The following PKHD1 variants were observed in gnomAD, a reference collection of about 807,000 sequenced individuals.
PKHD1 encodes the protein PKHD1 ciliary IPT domain containing fibrocystin/polyductin.
PKHD1 carries 291 observed loss-of-function variants against 412.0 expected under a neutral mutation model. The ratio of observed to expected loss-of-function variants is 0.71; its 90% CI spans 0.64 to 0.78. PKHD1 has a LOEUF of 0.78. PKHD1 is among the 30% of genes least tolerant of loss of function. The pLI is 0.00. For synonymous variants in PKHD1, 1,777 were observed against 1,821.5 expected, an observed-to-expected ratio of 0.98 and a Z score of 0.62; for missense variants, 4,825 against 4,950.7, an observed-to-expected ratio of 0.97 and a Z score of 0.76.
chr6:51,973,975 G>A (rs1405491574), intron 35 of PKHD1, among the ~76,000 whole-genome samples: 1 of 152,176 alleles, frequency 6.6e-6, no homozygotes, highest in South Asian at 2.1e-4. Context: ...AATAGGGGTA[G>A]GTCAGGACAA....
At chr6:52,048,354 C>T in intron 23 of PKHD1, 138 bp downstream of exon 23, 1 of 919,802 alleles carries the variant, frequency 1.1e-6, no homozygotes, top group East Asian at 2.4e-5. Flanking sequence ...TTAAGAATGT[C>T]ACTTTCAGAC....
chr6:51,770,752 C>A (rs886221257), intron 55 of PKHD1, among the ~76,000 whole-genome samples: 1 of 151,626 alleles, frequency 6.6e-6, no homozygotes, highest in Non-Finnish European at 1.5e-5. Flanking sequence ...TCATATTTAC[C>A]TCCTATGGCT....
At chr6:51,642,557 G>A (rs1048354749) in intron 63 of PKHD1, among the ~76,000 whole-genome samples, 6 of 151,946 alleles carry the variant, frequency 3.9e-5, no homozygotes, top group African/African-American at 1.4e-4. Context: ...AGTAAGGGAT[G>A]GGCTGGGCAC....
intron 11 of PKHD1, among the ~76,000 whole-genome samples, chr6:52,067,375 C>A (rs1377646274): frequency 6.6e-6 from 1 of 152,100 alleles, no homozygotes; most frequent in Non-Finnish European, 1.5e-5. Flanking sequence ...TTATGAAGTT[C>A]TTAAACTTTT....
At chr6:52,059,806 C>T (rs1219814155) in intron 15 of PKHD1, 122 bp downstream of exon 15, 1 of 691,914 alleles carries the variant, frequency 1.4e-6, no homozygotes, top group East Asian at 2.7e-5. Flanking sequence ...ATTAAAGTTC[C>T]TGATCATCCA....
rs917788607 is a variant in PKHD1 at position 51,945,356 on chromosome 6, C to G, written c.5909-11034G>C. Among the ~76,000 whole-genome samples the G allele has an allele frequency of 2.0e-4, 31 of 152,152 alleles. 1 individual carries two copies. The highest frequency in any genetic ancestry group is 7.2e-4 in the African/African-American group (30 of 41,434). On this transcript the variant is annotated intron_variant, in intron 36 of 66. Transcript: ENST00000371117. ...ACCTCTGAATGAGCCTCAGTAAGTC[C>G]CATACAATTGCTGGGCCTCAGATTA...
At chr6:51,697,053 G>A (rs1424555701) in intron 60 of PKHD1, among the ~76,000 whole-genome samples, 1 of 152,062 alleles carries the variant, frequency 6.6e-6, no homozygotes, top group Non-Finnish European at 1.5e-5. Context: ...CCCAGGCATG[G>A]TGACACGCAC....
intron 58 of PKHD1, 94 bp from the exon 59 acceptor site, chr6:51,746,983 A>G: frequency 1.3e-6 from 1 of 789,716 alleles, no homozygotes; most frequent in Non-Finnish European, 2.0e-6. Flanking sequence ...ATAATAATGT[A>G]TACCCTAAGT....
At position 51,710,020 on chromosome 6, in the gene PKHD1, C is replaced by A. The variant is rs543518855; in HGVS notation, c.10156+34365G>T. Among the ~76,000 whole-genome samples, 145 of 151,998 alleles carry A rather than the reference C, an allele frequency of 9.5e-4. 3 individuals are homozygous for A. The South Asian group carries it at 0.023, about 24-fold the overall frequency. Reference sequence around the variant, plus strand: ...AGTCGGGAGATCAAGACCATCCTAGCCAACATGGTGAAACCCCATCTGTAC... The same window carrying A: ...AGTCGGGAGATCAAGACCATCCTAGACAACATGGTGAAACCCCATCTGTAC... On this transcript the variant is annotated intron_variant, in intron 60 of 66. Transcript: ENST00000371117.
At chr6:51,909,664 C>T (rs1238513770) in intron 39 of PKHD1, among the ~76,000 whole-genome samples, 190 bp from the exon 40 acceptor site, 1 of 152,080 alleles carries the variant, frequency 6.6e-6, no homozygotes, top group Non-Finnish European at 1.5e-5. Flanking sequence ...ATAAACAGGA[C>T]ATGATGTTGC....
chr6:51,754,829 C>T lies in PKHD1; in HGVS notation c.8752G>A (p.Gly2918Ser). 6.2e-7 allele frequency: 1 copy of T among 1,613,580 alleles called. No individual in the cohort carries two copies. Residue 2918 changes from glycine to serine, a missense_variant, in exon 56 of 67, where the codon GGC (glycine) becomes AGC (serine). By Grantham distance (56) the Gly-to-Ser change is moderately conservative. Transcript: ENST00000371117. ...AEVLTVKEVKGHHVRIYERLK... is the reference protein window; with the variant it reads ...AEVLTVKEVKSHHVRIYERLK... ...CGTTCATAGATCCTCACATGGTGGCCCTTGACTTCTTTCACAGTGAGGACC... is the reference window on the plus strand; with the variant it reads ...CGTTCATAGATCCTCACATGGTGGCTCTTGACTTCTTTCACAGTGAGGACC...
chr6:51,801,573 G>C (rs9382031), intron 52 of PKHD1, among the ~76,000 whole-genome samples: 1 of 151,026 alleles, frequency 6.6e-6, no homozygotes, highest in African/African-American at 2.4e-5. Flanking sequence ...AGTGCCCAGA[G>C]GCACACGATT....
chr6:52,042,902 T>C lies in PKHD1; in HGVS notation c.3054A>G (p.Lys1018=). ...ATGEDLFLNV[K]PRLDMVEPSR... is the part of the protein sequence containing the mutation. Reference sequence around the variant, plus strand: ...AAGGCTCCACCATATCCAGTCTAGGTTTCACATTTAGGAAGAGGTCTTCTC... The same window carrying C: ...AAGGCTCCACCATATCCAGTCTAGGCTTCACATTTAGGAAGAGGTCTTCTC... Residue 1018 remains lysine, a synonymous_variant, in exon 27 of 67, where the codon AAA becomes AAG. Transcript: ENST00000371117. The C allele has an allele frequency of 6.2e-7, 1 of 1,613,916 alleles. No homozygotes were observed. Among genetic ancestry groups the C allele is most frequent in the Non-Finnish European group, 8.5e-7 (1 of 1,179,854 alleles).
chr6:51,907,421 C>A (rs915524807), intron 40 of PKHD1, among the ~76,000 whole-genome samples: 2 of 152,234 alleles, frequency 1.3e-5, no homozygotes, highest in East Asian at 3.9e-4. Context: ...ATAAATTAAC[C>A]CATCCATATC....
chr6:51,782,711 A>C (rs971420785), intron 53 of PKHD1, among the ~76,000 whole-genome samples: 35 of 152,284 alleles, frequency 2.3e-4, no homozygotes, highest in Non-Finnish European at 1.3e-4. Flanking sequence ...ATCATAGTTA[A>C]ATCTGAAGGA....
chr6:51,762,122 A>G (rs1007247766), intron 55 of PKHD1, among the ~76,000 whole-genome samples: 1 of 152,060 alleles, frequency 6.6e-6, no homozygotes, highest in Non-Finnish European at 1.5e-5. Flanking sequence ...ATGTCTTAAC[A>G]GTTAGTGTCT....
chr6:51,820,557 A>T (rs6458796), intron 52 of PKHD1, among the ~76,000 whole-genome samples: 140,215 of 152,238 alleles, frequency 0.92, 65,719 homozygotes, highest in East Asian at 1. Context: ...GATAACCATA[A>T]CAATATAACT....
chr6:51,911,856 G>T lies in PKHD1; in HGVS notation c.6433C>A (p.Leu2145Ile), dbSNP rs1287699800. 4 of 1,612,668 alleles carry T rather than the reference G, an allele frequency of 2.5e-6. No individual in the cohort carries two copies. Among genetic ancestry groups the T allele is most frequent in the Non-Finnish European group, 2.5e-6 (3 of 1,178,908 alleles). Reference sequence around the variant, plus strand: ...AGCAGCTTCTCCCTCTCATTAGTGAGATTTCCTTGTATGGTAATACTCCTG... The same window carrying T: ...AGCAGCTTCTCCCTCTCATTAGTGATATTTCCTTGTATGGTAATACTCCTG... The part of the protein sequence containing the change: ...LSRSITIQGN[L>I]TNEREKLLVS... The change falls in exon 39 of 67, where the codon CTC (leucine) becomes ATC (isoleucine). Residue 2145 changes from leucine (L) to isoleucine (I), a missense_variant. Coordinates refer to ENST00000371117, the MANE Select transcript of PKHD1 (RefSeq NM_138694.4).
At chr6:51,801,841 T>A (rs906879231) in intron 52 of PKHD1, among the ~76,000 whole-genome samples, 1 of 152,178 alleles carries the variant, frequency 6.6e-6, no homozygotes, top group Admixed American at 6.5e-5. Flanking sequence ...CATAGTAGAA[T>A]AAACATTTTA....
Sources: gnomAD v4.1 joint callset for allele counts (sites outside exome capture counted in the v4.1 genomes callset) on GRCh38, gnomAD v4.1.1 for gene constraint, MANE v1.5 for transcripts, NCBI Gene and HGNC (gene_info 2026-07-23, HGNC 2026-07-21) for gene names.